BTF3: variants seen among roughly 807,000 people sequenced by gnomAD.
BTF3 encodes the protein basic transcription factor 3, also known as transcription factor BTF3.
In BTF3, 12 loss-of-function variants were observed where a neutral mutation model predicts 23.9. The ratio of observed to expected loss-of-function variants is 0.50; its 90% CI spans 0.32 to 0.81. The LOEUF (loss-of-function observed/expected upper bound fraction) is 0.81. Among genes scored for constraint, BTF3 ranks in the 40% least tolerant of loss-of-function variants. BTF3 has a pLI of 0.03. For missense variants in BTF3, 215 were observed against 255.9 expected, an observed-to-expected ratio of 0.84 and a Z score of 1.09; for synonymous variants, 96 against 94.8, an observed-to-expected ratio of 1.01 and a Z score of -0.07.
intron 5 of BTF3, 100 bp from the exon 6 acceptor site, chr5:73,505,092 C>A: frequency 3.4e-6 from 3 of 892,218 alleles, no homozygotes; most frequent in Non-Finnish European, 5.2e-6. Context: ...TATTTATCAT[C>A]ATTGGCAAAT....
intron 1 of BTF3, 52 bp from the exon 2 acceptor site, chr5:73,499,082 A>G: frequency 6.6e-7 from 1 of 1,522,522 alleles, no homozygotes; most frequent in Non-Finnish European, 8.9e-7. Flanking sequence ...ACGAGCATGG[A>G]ATGCTAGAGT....
intron 2 of BTF3, 79 bp from the exon 3 acceptor site, chr5:73,502,409 A>C: frequency 1.0e-6 from 1 of 1,002,580 alleles, no homozygotes; most frequent in Non-Finnish European, 1.5e-6. Flanking sequence ...TCAGAAATGA[A>C]TTGGAAACTA....
intron 2 of BTF3, among the ~76,000 whole-genome samples, chr5:73,500,820 G>C (rs1561254130): frequency 6.6e-6 from 1 of 152,034 alleles, no homozygotes; most frequent in Admixed American, 6.6e-5. Flanking sequence ...TACAATCTTA[G>C]AAATTCCTTT....
At chr5:73,503,344 T>G (rs1746483738) in intron 4 of BTF3, among the ~76,000 whole-genome samples, 1 of 152,238 alleles carries the variant, frequency 6.6e-6, no homozygotes, top group Non-Finnish European at 1.5e-5. Flanking sequence ...TCTACTTACT[T>G]GATTTGGATC....
At position 73,502,526 on chromosome 5, in the gene BTF3, A is replaced by C. The variant is rs769043350; in HGVS notation, c.240A>C (p.Thr80=). 4.8e-5 allele frequency: 77 copies of C among 1,609,834 alleles called. No homozygotes were observed. Among genetic ancestry groups the C allele is most frequent in the Non-Finnish European group, 6.4e-5 (76 of 1,179,102 alleles). The change falls in exon 3 of 6, where the codon ACA becomes ACC. Residue 80 remains threonine (T), a synonymous_variant. Coordinates refer to ENST00000380591, the MANE Select transcript of BTF3 (RefSeq NM_001037637.2). The part of the protein sequence containing the change: ...ARRKKKVVHR[T]ATADDKKLQF... ...GAAAGAAGAAGGTGGTTCATAGAAC[A>C]GCCACAGCAGATGACAAAAAACTTC...
Position 73,498,792 on chromosome 5 carries a change from A to C in BTF3, c.125A>C (p.Glu42Ala). 6.6e-7 allele frequency: 1 copy of C among 1,507,548 alleles called. No homozygotes were observed. The highest frequency in any genetic ancestry group is 8.8e-7 in the Non-Finnish European group (1 of 1,137,158). 93.4% of individuals were successfully genotyped at this position (1,507,548 alleles called of 1,614,324 possible). The change falls in exon 1 of 6, where the codon GAG (glutamate) becomes GCG (alanine). Residue 42 changes from glutamate to alanine, a missense_variant. By Grantham distance (107) the Glu-to-Ala change is moderately radical (BLOSUM62 -1). This residue lies in a region of BTF3 where 116 missense variants were observed against 84.7 expected (regional missense o/e 1.37). Transcript: ENST00000380591. ...CCTCGCGGCGGAACCCGAGGACAGG[A>C]GCCTCAGGTACCGCGAGGCTTGCGG... ...PPPRGGTRGQ[E>A]PQMKETIMNQ...
intron 2 of BTF3, among the ~76,000 whole-genome samples, chr5:73,501,117 C>CTATGTA (rs1436967660): frequency 6.6e-5 from 10 of 151,970 alleles, no homozygotes; most frequent in African/African-American, 2.4e-4. Context: ...GTGTAATATA[C>CTATGTA]ATAGTACAAT....
intron 2 of BTF3, among the ~76,000 whole-genome samples, chr5:73,500,717 A>G (rs768087993): frequency 6.6e-6 from 1 of 152,186 alleles, no homozygotes; most frequent in Non-Finnish European, 1.5e-5. Flanking sequence ...TTTCATATCT[A>G]ATCACAGCAT....
At position 73,504,411 on chromosome 5, in the gene BTF3, C is replaced by T. The variant is rs750989476; in HGVS notation, c.574+8C>T. 9 of 1,596,142 alleles carry T rather than the reference C, an allele frequency of 5.6e-6. 1 individual carries two copies. The highest frequency in any genetic ancestry group is 1.7e-5 in the Admixed American group (1 of 57,570). ...ATGATGATGAAGTTCCAGGTAGGAACGTTTACTTGTGGTTAACCTAGAGAA... is the reference window on the plus strand; with the variant it reads ...ATGATGATGAAGTTCCAGGTAGGAATGTTTACTTGTGGTTAACCTAGAGAA... On this transcript the variant is annotated splice_region_variant and intron_variant, in intron 5 of 5. Coordinates refer to ENST00000380591, the MANE Select transcript of BTF3 (RefSeq NM_001037637.2).
rs1746336779 is a variant in BTF3, at chr5:73,498,570, C to T, written c.-98C>T. 1 of 1,401,988 alleles carries T rather than the reference C, an allele frequency of 7.1e-7. No individual in the cohort carries two copies. Among genetic ancestry groups the T allele is most frequent in the Non-Finnish European group, 9.2e-7 (1 of 1,086,030 alleles). 86.8% of individuals were successfully genotyped at this position (1,401,988 alleles called of 1,614,324 possible). On this transcript the variant is annotated 5_prime_UTR_variant, in exon 1 of 6. Coordinates refer to ENST00000380591, the MANE Select transcript of BTF3 (RefSeq NM_001037637.2). ...TTCGCTCCGACAAGGTACAAAAAGG[C>T]TCTGGACGGCGGCGTGGTAGGAGGA...
chr5:73,498,766 A>G lies in BTF3; in HGVS notation c.99A>G (p.Pro33=), dbSNP rs1198681314. The G allele has an allele frequency of 3.3e-6, 5 of 1,502,528 alleles. No homozygotes were observed. The highest frequency in any genetic ancestry group is 4.4e-6 in the Non-Finnish European group (5 of 1,135,676). 93.1% of individuals were successfully genotyped at this position (1,502,528 alleles called of 1,614,324 possible). A position where few individuals can be genotyped will look rare whatever the true frequency, so the allele number is the denominator to read the frequency against. ...GCGAGGCGACGCTGTCTCAACCTCC[A>G]CCTCGCGGCGGAACCCGAGGACAGG... is the stretch of plus-strand genomic sequence containing the variant. ...PGGEATLSQP[P]PRGGTRGQEP... The change falls in exon 1 of 6, where the codon CCA becomes CCG. Residue 33 remains proline (P), a synonymous_variant. Coordinates refer to ENST00000380591, the MANE Select transcript of BTF3 (RefSeq NM_001037637.2).
chr5:73,504,508 G>A, intron 5 of BTF3, 105 bp downstream of exon 5: 1 of 776,380 alleles, frequency 1.3e-6, no homozygotes, highest in South Asian at 1.9e-5. Context: ...AGTTAAGATG[G>A]ACATAGATCT....
Position 73,503,068 on chromosome 5 carries a change from G to T in BTF3, c.468G>T (p.Ala156=), listed in dbSNP as rs72768738. The T allele has an allele frequency of 3.7e-6, 6 of 1,613,996 alleles. No homozygotes were observed. The highest frequency in any genetic ancestry group is 5.1e-6 in the Non-Finnish European group (6 of 1,179,962). ...MLPSILNQLG[A]DSLTSLRRLA... ...CCAGCATCTTAAACCAGCTTGGTGC[G>T]GATAGTCTGACTAGTTTAAGGAGAC... The change falls in exon 4 of 6, where the codon GCG becomes GCT. Residue 156 remains alanine (A), a synonymous_variant. Transcript: ENST00000380591.
At chr5:73,503,668 C>T (rs898782956) in intron 4 of BTF3, among the ~76,000 whole-genome samples, 5 of 152,186 alleles carry the variant, frequency 3.3e-5, no homozygotes, top group African/African-American at 1.2e-4. Context: ...AAGTCAGAGG[C>T]TTATATATGG....
chr5:73,498,852 G>GA, intron 1 of BTF3, 53 bp downstream of exon 1: 1 of 1,494,982 alleles, frequency 6.7e-7, no homozygotes. Flanking sequence ...TGGCTAGGCC[G>GA]AGGCCAGGCC....
intron 5 of BTF3, chr5:73,504,920 A>G (rs1175588371): frequency 5.8e-6 from 2 of 343,348 alleles, no homozygotes; most frequent in East Asian, 1.2e-4. Context: ...CACTTTGCAT[A>G]GACAGGTATC....
intron 5 of BTF3, chr5:73,504,685 C>A: frequency 4.3e-6 from 1 of 234,428 alleles, no homozygotes; most frequent in Non-Finnish European, 8.1e-6. Context: ...CTATTACCTG[C>A]AGAGCACTAA....
Position 73,502,158 on chromosome 5 carries a change from C to CAAA in BTF3, c.202-311_202-309dup, listed in dbSNP as rs148360172. On this transcript the variant is annotated intron_variant, in intron 2 of 5. Coordinates refer to ENST00000380591, the MANE Select transcript of BTF3 (RefSeq NM_001037637.2). ...TGGACGACACAGTGAGACCCTGTCT[C>CAAA]AAAAAAAAAAAAAAAAAAAAACAGA... is the stretch of plus-strand genomic sequence containing the variant. Among the ~76,000 whole-genome samples, 719 of 76,994 alleles carry CAAA rather than the reference C, an allele frequency of 9.3e-3. 8 individuals are homozygous for CAAA. The highest frequency in any genetic ancestry group is 0.025 in the African/African-American group (677 of 27,398). The allele number at this position is 76,994 out of a possible 152,430, so 50.5% of individuals were successfully genotyped here. A position where few individuals can be genotyped will look rare whatever the true frequency, so the allele number is the denominator to read the frequency against.
chr5:73,498,857 C>G (rs1052803478), intron 1 of BTF3, 58 bp downstream of exon 1: 239 of 1,491,298 alleles, frequency 1.6e-4, no homozygotes, highest in Non-Finnish European at 2.1e-4. Flanking sequence ...AGGCCGAGGC[C>G]AGGCCAGGGC....
Sources: allele counts gnomAD v4.1 joint callset (sites outside exome capture counted in the v4.1 genomes callset), GRCh38; gene constraint gnomAD v4.1.1; regional missense constraint gnomAD v4.1.1; transcripts MANE v1.5; gene names NCBI Gene and HGNC (gene_info 2026-07-23, HGNC 2026-07-21).